The following SBF2 variants were observed in gnomAD, a reference collection of about 807,000 sequenced individuals.
SBF2 encodes SET binding factor 2, also known as myotubularin-related protein 13.
SBF2 carries 112 observed loss-of-function variants against 225.2 expected under a neutral mutation model. The ratio of observed to expected loss-of-function variants is 0.50; its 90% CI spans 0.43 to 0.58. The LOEUF (loss-of-function observed/expected upper bound fraction) is 0.58, where lower values mean the gene tolerates loss of function less well. SBF2 is among the 20% of genes least tolerant of loss of function. The pLI, the probability that SBF2 is intolerant of heterozygous loss-of-function variation, is 0.00. For missense variants in SBF2, 1,996 were observed against 2,206.2 expected, an observed-to-expected ratio of 0.90 and a Z score of 1.91; for synonymous variants, 763 against 773.3, an observed-to-expected ratio of 0.99 and a Z score of 0.22.
chr11:9,840,545 C>CAAA lies in SBF2; in HGVS notation c.3257-852_3257-850dup, dbSNP rs1856059858. 2.0e-5 allele frequency among the ~76,000 whole-genome samples: 3 copies of CAAA among 152,290 alleles called. No homozygotes were observed. The South Asian group carries it at 6.2e-4, about 32-fold the overall frequency. On this transcript the variant is annotated intron_variant, in intron 25 of 39. Coordinates refer to ENST00000256190, the MANE Select transcript of SBF2 (RefSeq NM_030962.4). Reference sequence around the variant, plus strand: ...TGTTTCATGAAGGCTTGCTTATTGTCAAATTGCAGTGATTTCTATTTAGGA... The same window carrying CAAA: ...TGTTTCATGAAGGCTTGCTTATTGTCAAAAAATTGCAGTGATTTCTATTTAGGA...
At chr11:9,999,712 G>C (rs552914454) in intron 8 of SBF2, among the ~76,000 whole-genome samples, 1 of 152,142 alleles carries the variant, frequency 6.6e-6, no homozygotes, top group Non-Finnish European at 1.5e-5. Context: ...TTTATTAAAT[G>C]TTTATTGATT....
rs1590618405 is a variant in SBF2 at position 9,961,980 on chromosome 11, T to C, written c.1837A>G (p.Arg613Gly). The change falls in exon 16 of 40, where the codon AGG (arginine) becomes GGG (glycine). Residue 613 changes from arginine to glycine, a missense_variant. Arg to Gly is a moderately radical substitution (Grantham distance 125). Transcript: ENST00000256190. Reference protein sequence around the residue: ...LDHQQFDYIIRMMNCTLQDCS... With the variant: ...LDHQQFDYIIGMMNCTLQDCS... ...ACCTGTAGAGTACAATTCATCATCC[T>C]TATTATGTAGTCAAACTGTTGATGG... 6.2e-7 allele frequency: 1 copy of C among 1,613,910 alleles called. No homozygotes were observed. Among genetic ancestry groups the C allele is most frequent in the Non-Finnish European group, 8.5e-7 (1 of 1,179,806 alleles).
intron 2 of SBF2, among the ~76,000 whole-genome samples, chr11:10,101,042 G>A (rs991921540): frequency 6.6e-6 from 1 of 152,150 alleles, no homozygotes; most frequent in African/African-American, 2.4e-5. Context: ...TCTGCCTATC[G>A]TGTCTTTGTG....
At chr11:10,060,332 AG>A (rs1232620761) in intron 2 of SBF2, among the ~76,000 whole-genome samples, 2 of 152,204 alleles carry the variant, frequency 1.3e-5, no homozygotes, top group African/African-American at 2.4e-5. Flanking sequence ...TAAGCCAGGA[AG>A]AAACTGAATC....
chr11:9,807,121 C>T (rs929894160), intron 32 of SBF2, among the ~76,000 whole-genome samples: 1 of 152,198 alleles, frequency 6.6e-6, no homozygotes, highest in Non-Finnish European at 1.5e-5. Flanking sequence ...AAATGTTTGA[C>T]ATGCCAGAAC....
At chr11:9,843,085 T>C (rs935701033) in intron 24 of SBF2, among the ~76,000 whole-genome samples, 3 of 152,224 alleles carry the variant, frequency 2.0e-5, no homozygotes, top group Middle Eastern at 3.2e-3. Context: ...GAACCCACTC[T>C]GGTTATCCTC....
At chr11:10,058,686 A>G (rs1205767015) in intron 2 of SBF2, among the ~76,000 whole-genome samples, 1 of 152,154 alleles carries the variant, frequency 6.6e-6, no homozygotes, top group Non-Finnish European at 1.5e-5. Flanking sequence ...ATTCTACACA[A>G]GAAGATCATC....
intron 2 of SBF2, among the ~76,000 whole-genome samples, chr11:10,084,912 T>C (rs1268911712): frequency 6.6e-6 from 1 of 152,140 alleles, no homozygotes; most frequent in Non-Finnish European, 1.5e-5. Flanking sequence ...GAATTATATA[T>C]ATAGTGGAGA....
chr11:9,788,398 G>C (rs997762773), intron 35 of SBF2, among the ~76,000 whole-genome samples: 2 of 152,076 alleles, frequency 1.3e-5, no homozygotes, highest in South Asian at 2.1e-4. Context: ...ATTCCTTGCA[G>C]AAGATGGTTG....
At chr11:10,064,807 G>T (rs910531260) in intron 2 of SBF2, among the ~76,000 whole-genome samples, 3 of 152,120 alleles carry the variant, frequency 2.0e-5, no homozygotes, top group Non-Finnish European at 2.9e-5. Flanking sequence ...CAAGAGGGAA[G>T]AGGCAAATAT....
chr11:10,258,071 T>TACACACATATACACAC (rs1961029721), intron 1 of SBF2, among the ~76,000 whole-genome samples: 2 of 96,254 alleles, frequency 2.1e-5, no homozygotes, highest in Non-Finnish European at 4.1e-5. Flanking sequence ...GAGGTATAAA[T>TACACACATATACACAC]ACACACACAT....
chr11:9,897,426 CG>C lies in SBF2; in HGVS notation c.1861-1416del, dbSNP rs892644943. ...CTAATTTTTATATTTTTAGTAGAGA[CG>C]GGGTTTAACTCCTGACCTCAAGTGA... is the stretch of plus-strand genomic sequence containing the variant. On this transcript the variant is annotated intron_variant, in intron 16 of 39. Transcript: ENST00000256190. Among the ~76,000 whole-genome samples, 8 of 151,982 alleles carry C rather than the reference CG, an allele frequency of 5.3e-5. 1 individual carries two copies. Among genetic ancestry groups the C allele is most frequent in the African/African-American group, 1.7e-4 (7 of 41,384 alleles).
rs901777103 is a variant in SBF2 at position 9,947,860 on chromosome 11, C to T, written c.1860+14097G>A. ...GGAATGTAAAATGATGCAGCTACTACGCAAGACAGTATAACAGTTCCTCAA... is the reference window on the plus strand; with the variant it reads ...GGAATGTAAAATGATGCAGCTACTATGCAAGACAGTATAACAGTTCCTCAA... On this transcript the variant is annotated intron_variant, in intron 16 of 39. Transcript: ENST00000256190. Among the ~76,000 whole-genome samples the T allele has an allele frequency of 4.6e-5, 7 of 151,960 alleles. No homozygotes were observed. In the South Asian group the frequency reaches 8.3e-4, roughly 18 times the overall value.
chr11:9,779,370 T>C lies in SBF2; in HGVS notation c.*1048A>G, dbSNP rs1851885456. 1 of 152,688 alleles carries C rather than the reference T, an allele frequency of 6.5e-6. No homozygotes were observed. Among genetic ancestry groups the C allele is most frequent in the African/African-American group, 2.4e-5 (1 of 41,470 alleles). 9.5% of individuals were successfully genotyped at this position (152,688 alleles called of 1,614,324 possible). A position where few individuals can be genotyped will look rare whatever the true frequency, so the allele number is the denominator to read the frequency against. ...GTCAGTGGTTGTAGCGAAGATGCTG[T>C]TTCTGTTTACCATGAGCAAACAGCA... On this transcript the variant is annotated 3_prime_UTR_variant, in exon 40 of 40. Coordinates refer to ENST00000256190, the MANE Select transcript of SBF2 (RefSeq NM_030962.4).
At chr11:10,193,800 T>G (rs1377001624) in intron 2 of SBF2, 102 bp downstream of exon 2, 1 of 832,340 alleles carries the variant, frequency 1.2e-6, no homozygotes. Flanking sequence ...TACAATTAAA[T>G]TATCAAATTA....
chr11:10,174,640 A>C (rs1956372574), intron 2 of SBF2, among the ~76,000 whole-genome samples: 1 of 152,200 alleles, frequency 6.6e-6, no homozygotes, highest in Non-Finnish European at 1.5e-5. Context: ...GCCAACATTC[A>C]AATTCAGGAA....
chr11:10,004,595 AC>A lies in SBF2; in HGVS notation c.620-1907del, dbSNP rs145833652. Among the ~76,000 whole-genome samples, 143 of 146,376 alleles carry A rather than the reference AC, an allele frequency of 9.8e-4. 8 individuals are homozygous for A. The highest frequency in any genetic ancestry group is 1.4e-3 in the Non-Finnish European group (91 of 66,426). On this transcript the variant is annotated intron_variant, in intron 6 of 39. Coordinates refer to ENST00000256190, the MANE Select transcript of SBF2 (RefSeq NM_030962.4). ...AAATTAAAAAAAAAAAAAAAAAAAA[AC>A]AAACTACATACCTCCCATACCTCCC...
intron 16 of SBF2, among the ~76,000 whole-genome samples, chr11:9,934,553 C>T (rs760040770): frequency 2.6e-5 from 4 of 152,034 alleles, no homozygotes; most frequent in Non-Finnish European, 5.9e-5. Flanking sequence ...TGTGAAAATC[C>T]TCAATAAAAT....
chr11:9,943,336 C>A (rs772501638), intron 16 of SBF2, among the ~76,000 whole-genome samples: 5 of 152,148 alleles, frequency 3.3e-5, no homozygotes, highest in Admixed American at 3.3e-4. Flanking sequence ...ATTTCTTACA[C>A]AAGACACAAA....
Sources: gnomAD v4.1 joint callset for allele counts (sites outside exome capture counted in the v4.1 genomes callset) on GRCh38, gnomAD v4.1.1 for gene constraint, MANE v1.5 for transcripts, NCBI Gene and HGNC (gene_info 2026-07-23, HGNC 2026-07-21) for gene names.